The following TMEM132D variants were observed in gnomAD, a reference collection of about 807,000 sequenced individuals.
The protein encoded by TMEM132D is mature OL transmembrane protein.
Under a neutral mutation model 62.3 loss-of-function variants are expected in TMEM132D, and 21 were observed. The ratio of observed to expected loss-of-function variants is 0.34; its 90% CI spans 0.24 to 0.49. The LOEUF is 0.49. Ranked by LOEUF, TMEM132D falls within the 20% of genes least tolerant of loss-of-function variation. The pLI is 0.99. For missense variants in TMEM132D, 1,346 were observed against 1,402.8 expected, an observed-to-expected ratio of 0.96 and a Z score of 0.65; for synonymous variants, 621 against 575.6, an observed-to-expected ratio of 1.08 and a Z score of -1.13.
rs377251180 is a variant in TMEM132D at position 129,109,195 on chromosome 12, G to A, written c.1444-24493C>T. ...TGCGGGAGGAAGAGACCCCAGGCCC[G>A]AATGGCCGTGTGAGTTTTTCCTTCT... is the stretch of plus-strand genomic sequence containing the variant. On this transcript the variant is annotated intron_variant, in intron 5 of 8. Coordinates refer to ENST00000422113, the MANE Select transcript of TMEM132D (RefSeq NM_133448.3). Among the ~76,000 whole-genome samples, 54 of 152,290 alleles carry A rather than the reference G, an allele frequency of 3.5e-4. 1 individual carries two copies. In the South Asian group the frequency reaches 9.8e-3, roughly 27 times the overall value.
intron 5 of TMEM132D, chr12:129,110,434 G>A (rs773899203): frequency 4.6e-5 from 7 of 152,108 alleles, no homozygotes; most frequent in Non-Finnish European, 7.3e-5. Context: ...AGTGAGTCAC[G>A]CTTAAGCCTT....
intron 3 of TMEM132D, among the ~76,000 whole-genome samples, chr12:129,343,324 G>A (rs1376956556): frequency 6.6e-6 from 1 of 151,684 alleles, no homozygotes; most frequent in Non-Finnish European, 1.5e-5. Flanking sequence ...ACTATCACAA[G>A]GACAGAAAAA....
intron 3 of TMEM132D, among the ~76,000 whole-genome samples, chr12:129,501,280 T>C (rs1168918308): frequency 1.3e-5 from 2 of 152,128 alleles, no homozygotes; most frequent in East Asian, 1.9e-4. Flanking sequence ...GAAGTTTACT[T>C]AGACGATCCT....
chr12:129,181,991 C>T (rs1056682032), intron 5 of TMEM132D, among the ~76,000 whole-genome samples: 1 of 152,142 alleles, frequency 6.6e-6, no homozygotes, highest in Admixed American at 6.5e-5. Flanking sequence ...AAGTATCTGA[C>T]AATATCAAAC....
At chr12:129,693,271 A>G (rs1257611080) in intron 2 of TMEM132D, among the ~76,000 whole-genome samples, 2 of 152,206 alleles carry the variant, frequency 1.3e-5, no homozygotes, top group Non-Finnish European at 2.9e-5. Context: ...AAATTTGAGC[A>G]ACAAAATTCA....
chr12:129,554,596 T>C (rs1378257631), intron 2 of TMEM132D, among the ~76,000 whole-genome samples: 1 of 152,174 alleles, frequency 6.6e-6, no homozygotes. Flanking sequence ...CTCTTCTGAA[T>C]CTTGTCCACC....
chr12:129,086,345 C>T lies in TMEM132D; in HGVS notation c.1444-1643G>A, dbSNP rs184754653. Among the ~76,000 whole-genome samples the T allele has an allele frequency of 3.9e-3, 586 of 152,204 alleles. 5 individuals carry two copies. Among genetic ancestry groups the T allele is most frequent in the African/African-American group, 0.014 (561 of 41,526 alleles). On this transcript the variant is annotated intron_variant, in intron 5 of 8. Coordinates refer to ENST00000422113, the MANE Select transcript of TMEM132D (RefSeq NM_133448.3). ...CTGGGCTTTTAGTGTAAACATCACC[C>T]AAATAATGTACATTGTACCTCTTAA...
At chr12:129,159,774 AAAAG>A (rs797018347) in intron 5 of TMEM132D, among the ~76,000 whole-genome samples, 4,794 of 144,406 alleles carry the variant, frequency 0.033, 187 homozygotes, top group East Asian at 0.12. Context: ...AAAAAAAAAA[AAAAG>A]AAAGAAAATT....
chr12:129,796,775 T>A (rs1871574923), intron 1 of TMEM132D, among the ~76,000 whole-genome samples: 1 of 152,102 alleles, frequency 6.6e-6, no homozygotes. Flanking sequence ...AAATACCTGA[T>A]GTAGATGACG....
intron 4 of TMEM132D, among the ~76,000 whole-genome samples, chr12:129,300,128 T>C (rs1321333185): frequency 6.6e-6 from 1 of 152,190 alleles, no homozygotes; most frequent in Non-Finnish European, 1.5e-5. Context: ...ATTCAAAATG[T>C]ACTGGGGAAC....
intron 3 of TMEM132D, among the ~76,000 whole-genome samples, chr12:129,511,326 T>A (rs1414739188): frequency 6.6e-6 from 1 of 151,972 alleles, no homozygotes; most frequent in Non-Finnish European, 1.5e-5. Context: ...TCAGCCCCAA[T>A]TTTTTTTGCA....
At chr12:129,337,933 G>A (rs745428299) in intron 3 of TMEM132D, 116 bp from the exon 4 acceptor site, 37 of 1,060,986 alleles carry the variant, frequency 3.5e-5, no homozygotes, top group East Asian at 1.5e-4. Flanking sequence ...GGAACCAAGC[G>A]CACACATCTC....
At chr12:129,297,816 G>A (rs1881614750) in intron 4 of TMEM132D, among the ~76,000 whole-genome samples, 1 of 152,106 alleles carries the variant, frequency 6.6e-6, no homozygotes, top group Non-Finnish European at 1.5e-5. Flanking sequence ...TCACAGGTCG[G>A]CTGGGGACGC....
At chr12:129,490,418 CTTTCCTTTTTTTTTTTT>C (rs1303304929) in intron 3 of TMEM132D, among the ~76,000 whole-genome samples, 2 of 113,074 alleles carry the variant, frequency 1.8e-5, no homozygotes, top group East Asian at 5.1e-4. Flanking sequence ...TCATAATTTC[CTTTCCTTTTTTTTTTTT>C]TTTTTTTTTT....
At chr12:129,077,681 CAG>C (rs540816422) in intron 8 of TMEM132D, among the ~76,000 whole-genome samples, 4 of 151,818 alleles carry the variant, frequency 2.6e-5, no homozygotes, top group Non-Finnish European at 4.4e-5. Flanking sequence ...ATATATGACA[CAG>C]ACCCACAACA....
chr12:129,141,585 C>T (rs1876742039), intron 5 of TMEM132D, among the ~76,000 whole-genome samples: 1 of 151,974 alleles, frequency 6.6e-6, no homozygotes, highest in Non-Finnish European at 1.5e-5. Flanking sequence ...ACTAAGTTGG[C>T]GAGAACCTGT....
chr12:129,727,449 C>T (rs1160780147), intron 1 of TMEM132D, among the ~76,000 whole-genome samples: 1 of 152,194 alleles, frequency 6.6e-6, no homozygotes, highest in Non-Finnish European at 1.5e-5. Context: ...GCAGAGCCCT[C>T]ATGATCTAAT....
intron 2 of TMEM132D, among the ~76,000 whole-genome samples, chr12:129,668,315 T>C (rs1880424952): frequency 6.6e-6 from 1 of 150,408 alleles, no homozygotes; most frequent in Non-Finnish European, 1.5e-5. Context: ...ATTATAATTG[T>C]TCTGTAAAAT....
chr12:129,725,509 G>A (rs1380194236), intron 1 of TMEM132D, among the ~76,000 whole-genome samples: 1 of 152,228 alleles, frequency 6.6e-6, no homozygotes, highest in African/African-American at 2.4e-5. Flanking sequence ...GCTCTCCCCA[G>A]CCTATCTATT....
Sources: allele counts gnomAD v4.1 joint callset (sites outside exome capture counted in the v4.1 genomes callset), GRCh38; gene constraint gnomAD v4.1.1; transcripts MANE v1.5; gene names NCBI Gene and HGNC (gene_info 2026-07-23, HGNC 2026-07-21).